HEATR5A: variants seen among roughly 807,000 people sequenced by gnomAD.
HEATR5A encodes the protein HEAT repeat-containing protein 5A.
In HEATR5A, 178 loss-of-function variants were observed where a neutral mutation model predicts 218.8. The ratio of observed to expected loss-of-function variants is 0.81; its 90% CI spans 0.72 to 0.92. HEATR5A has a LOEUF of 0.92. Ranked by LOEUF, HEATR5A falls within the 40% of genes least tolerant of loss-of-function variation. HEATR5A has a pLI of 0.00. For missense variants in HEATR5A, 2,420 were observed against 2,418.9 expected (o/e 1.00, Z -0.01); for synonymous variants, 864 against 871.6 (o/e 0.99, Z 0.15).
intron 13 of HEATR5A, among the ~76,000 whole-genome samples, chr14:31,365,927 A>G (rs1901786905): frequency 6.6e-6 from 1 of 152,042 alleles, no homozygotes; most frequent in South Asian, 2.1e-4. Context: ...GGCCTCCTCA[A>G]GTGTGGGGAT....
Position 31,386,512 on chromosome 14 carries a change from T to G in HEATR5A, c.1253A>C (p.Gln418Pro). ...TTGTAAAGCACAAACCAGCATATGTTGGCTAGCGGCTACATCTGTGGAACC... is the reference window on the plus strand; with the variant it reads ...TTGTAAAGCACAAACCAGCATATGTGGGCTAGCGGCTACATCTGTGGAACC... ...RLGSTDVAAS[Q>P]HMLVCALQEL... is the part of the protein sequence containing the mutation. Residue 418 changes from glutamine to proline, a missense_variant, in exon 9 of 36, where the codon CAA becomes CCA. Transcript: ENST00000543095. The G allele has an allele frequency of 6.2e-7, 1 of 1,611,216 alleles. No individual in the cohort carries two copies. Among genetic ancestry groups the G allele is most frequent in the African/African-American group, 1.3e-5 (1 of 74,882 alleles).
intron 2 of HEATR5A, among the ~76,000 whole-genome samples, 183 bp from the exon 3 acceptor site, chr14:31,400,695 T>G (rs570553964): frequency 1.3e-5 from 2 of 148,574 alleles, no homozygotes; most frequent in Non-Finnish European, 3.1e-5. Flanking sequence ...TCAGGTAGTT[T>G]GCTGCCCTGC....
chr14:31,302,796 G>T, intron 32 of HEATR5A: 1 of 353,612 alleles, frequency 2.8e-6, no homozygotes, highest in Non-Finnish European at 5.2e-6. Flanking sequence ...GTCGATAAAT[G>T]AATTTATTTT....
At chr14:31,327,947 A>T (rs1900323954) in intron 22 of HEATR5A, among the ~76,000 whole-genome samples, 1 of 152,068 alleles carries the variant, frequency 6.6e-6, no homozygotes, top group African/African-American at 2.4e-5. Context: ...TTATTAGTAG[A>T]CTATTCTATT....
At chr14:31,354,303 AG>A (rs1463629643) in intron 16 of HEATR5A, among the ~76,000 whole-genome samples, 2 of 152,172 alleles carry the variant, frequency 1.3e-5, no homozygotes, top group African/African-American at 2.4e-5. Flanking sequence ...AAAATACGTA[AG>A]GTTAGAGATT....
intron 13 of HEATR5A, among the ~76,000 whole-genome samples, chr14:31,365,165 A>C (rs760853920): frequency 6.6e-5 from 10 of 151,232 alleles, no homozygotes; most frequent in Non-Finnish European, 1.2e-4. Flanking sequence ...GAGCCACTGC[A>C]CCCGGCCAGG....
chr14:31,324,683 CTTTTTTTT>C (rs57220635), intron 23 of HEATR5A, among the ~76,000 whole-genome samples: 2 of 125,992 alleles, frequency 1.6e-5, no homozygotes, highest in Non-Finnish European at 3.5e-5. Context: ...CATGTATTTT[CTTTTTTTT>C]TTTTTTTTTG....
intron 1 of HEATR5A, among the ~76,000 whole-genome samples, chr14:31,419,059 A>G (rs2031553077): frequency 6.6e-6 from 1 of 152,210 alleles, no homozygotes; most frequent in South Asian, 2.1e-4. Flanking sequence ...ACAATAATGA[A>G]TAATACTAAA....
chr14:31,387,301 G>C lies in HEATR5A; in HGVS notation c.1008C>G (p.Ile336Met), dbSNP rs1247978205. The C allele has an allele frequency of 6.2e-7, 1 of 1,613,864 alleles. No homozygotes were observed. The highest frequency in any genetic ancestry group is 8.5e-7 in the Non-Finnish European group (1 of 1,179,860). The change falls in exon 8 of 36, where the codon ATC becomes ATG. Residue 336 changes from isoleucine (I) to methionine (M), a missense_variant. By Grantham distance (10) the Ile-to-Met change is conservative. Coordinates refer to ENST00000543095, the MANE Select transcript of HEATR5A (RefSeq NM_015473.4). ...GGTGTGACGGTGACGCAAGGCTTAG[G>C]ATATGAGAAAAAAAGGCAGCAAAAT... Reference protein sequence around the residue: ...EKNFAAFFSHILSLASPSHPK... With the variant: ...EKNFAAFFSHMLSLASPSHPK...
intron 4 of HEATR5A, among the ~76,000 whole-genome samples, chr14:31,397,485 C>T (rs1433241460): frequency 1.3e-5 from 2 of 151,802 alleles, no homozygotes; most frequent in African/African-American, 2.4e-5. Context: ...TGGTGAAACC[C>T]CGTCTCTACT....
chr14:31,370,972 A>G (rs1373349337), intron 13 of HEATR5A, among the ~76,000 whole-genome samples: 6 of 152,250 alleles, frequency 3.9e-5, no homozygotes, highest in African/African-American at 9.6e-5. Context: ...GGCACAAAGA[A>G]TGGTGCTGGA....
intron 26 of HEATR5A, among the ~76,000 whole-genome samples, chr14:31,317,729 C>T (rs8003122): frequency 0.99 from 151,005 of 152,366 alleles, 74,838 homozygotes; most frequent in Middle Eastern, 1. Flanking sequence ...TATCCTGAGA[C>T]AGACTTTTTA....
At position 31,295,984 on chromosome 14, in the gene HEATR5A, T is replaced by C; in HGVS notation, c.5544A>G (p.Glu1848=). ...TCTGAAGGCATGGGATGGTAGTTAC[T>C]TCTGGACTGGTAGACAAAATAAACA... The part of the protein sequence containing the change: ...ITVFILSTSP[E]VTTIPCLQKR... Residue 1848 remains glutamate (E), a synonymous_variant, in exon 34 of 36, where the codon GAA becomes GAG. Transcript: ENST00000543095. 6.2e-7 allele frequency: 1 copy of C among 1,613,464 alleles called. No homozygotes were observed. Among genetic ancestry groups the C allele is most frequent in the South Asian group, 1.1e-5 (1 of 91,068 alleles).
At chr14:31,371,159 T>G (rs1433043992) in intron 13 of HEATR5A, among the ~76,000 whole-genome samples, 3 of 152,196 alleles carry the variant, frequency 2.0e-5, no homozygotes, top group Non-Finnish European at 2.9e-5. Flanking sequence ...ATGAGAGAGT[T>G]GAGTAGCTGC....
chr14:31,296,175 A>C (rs1347134924), intron 33 of HEATR5A, 112 bp from the exon 34 acceptor site: 1 of 724,264 alleles, frequency 1.4e-6, no homozygotes, highest in East Asian at 2.8e-5. Flanking sequence ...GATACACACA[A>C]TGAACGCTGA....
chr14:31,369,933 CAA>C (rs34006984), intron 13 of HEATR5A, among the ~76,000 whole-genome samples: 229 of 138,906 alleles, frequency 1.6e-3, no homozygotes, highest in Non-Finnish European at 1.7e-3. Flanking sequence ...GACTCTATCT[CAA>C]AAAAAAAAAA....
intron 10 of HEATR5A, among the ~76,000 whole-genome samples, chr14:31,381,019 C>T (rs1186608806): frequency 1.3e-5 from 2 of 152,188 alleles, no homozygotes; most frequent in African/African-American, 4.8e-5. Flanking sequence ...GAGGCTGAGG[C>T]GGGTGGATCA....
At chr14:31,320,384 G>A in intron 25 of HEATR5A, 1 of 1,001,454 alleles carries the variant, frequency 1.0e-6, no homozygotes, top group Non-Finnish European at 1.6e-6. Context: ...TCCAATGCCA[G>A]CCCCTGAATC....
At chr14:31,318,850 T>G (rs1041600680) in intron 25 of HEATR5A, among the ~76,000 whole-genome samples, 2 of 152,190 alleles carry the variant, frequency 1.3e-5, no homozygotes, top group Non-Finnish European at 2.9e-5. Flanking sequence ...CTCCAGGGAC[T>G]CATGCTGGGA....
Sources: allele counts gnomAD v4.1 joint callset (sites outside exome capture counted in the v4.1 genomes callset), GRCh38; gene constraint gnomAD v4.1.1; transcripts MANE v1.5; gene names NCBI Gene and HGNC (gene_info 2026-07-23, HGNC 2026-07-21).